The following LARS2 variants were observed in gnomAD, a reference collection of about 807,000 sequenced individuals.
LARS2 encodes the protein leucine--tRNA ligase, mitochondrial.
In LARS2, 81 loss-of-function variants were observed where a neutral mutation model predicts 116.6. The observed-to-expected ratio is 0.69, with a 90% confidence interval of 0.58 to 0.84. LARS2 has a LOEUF of 0.84. Among genes scored for constraint, LARS2 ranks in the 40% least tolerant of loss-of-function variants. The pLI, the probability that LARS2 is intolerant of heterozygous loss-of-function variation, is 0.00. For missense variants in LARS2, 968 were observed against 1,114.5 expected, an observed-to-expected ratio of 0.87 and a Z score of 1.87; for synonymous variants, 396 against 407.2, an observed-to-expected ratio of 0.97 and a Z score of 0.33.
chr3:45,469,553 T>C (rs953903348), intron 8 of LARS2, among the ~76,000 whole-genome samples: 6 of 151,696 alleles, frequency 4.0e-5, no homozygotes, highest in Non-Finnish European at 8.8e-5. Flanking sequence ...ACCATGTTGG[T>C]CAGGCTGGTC....
rs756218687 is a variant in LARS2 at position 45,458,743 on chromosome 3, GC to G, written c.610del (p.Leu204TrpfsTer62). 3 of 1,614,074 alleles carry G rather than the reference GC, an allele frequency of 1.9e-6. No individual in the cohort carries two copies. The highest frequency in any genetic ancestry group is 3.3e-5 in the Admixed American group (2 of 60,020). ...YEAGLAYQKE[A>X]LVNWDPVDQT... ...CCATTTTGTTTCATGAATTATACAGGCCCTGGTTAACTGGGACCCAGTGGAT... is the reference window on the plus strand; with the variant it reads ...CCATTTTGTTTCATGAATTATACAGGCCTGGTTAACTGGGACCCAGTGGAT... On this transcript the variant is annotated frameshift_variant and splice_region_variant, in exon 8 of 22. Coordinates refer to ENST00000645846, the MANE Select transcript of LARS2 (RefSeq NM_015340.4). LOFTEE classifies it high-confidence loss of function.
chr3:45,421,137 G>A (rs984495057), intron 6 of LARS2: 1 of 151,978 alleles, frequency 6.6e-6, no homozygotes, highest in Non-Finnish European at 1.5e-5. Flanking sequence ...TATACATTTA[G>A]ATAGATTCTA....
intron 3 of LARS2, among the ~76,000 whole-genome samples, chr3:45,397,869 G>T (rs1369189094): frequency 6.6e-6 from 1 of 152,182 alleles, no homozygotes; most frequent in Non-Finnish European, 1.5e-5. Flanking sequence ...AGCTGAGAAG[G>T]TTATCTGCCA....
intron 12 of LARS2, among the ~76,000 whole-genome samples, chr3:45,490,128 A>G (rs977513421): frequency 6.6e-6 from 1 of 152,224 alleles, no homozygotes; most frequent in Non-Finnish European, 1.5e-5. Flanking sequence ...GCATCCCCAG[A>G]CATGAGTCAT....
intron 2 of LARS2, among the ~76,000 whole-genome samples, chr3:45,392,283 A>G (rs573870807): frequency 6.6e-6 from 1 of 151,686 alleles, no homozygotes; most frequent in African/African-American, 2.4e-5. Flanking sequence ...CCCAACTAAT[A>G]GAGAGATTTC....
chr3:45,540,736 G>GTATC (rs1172607571), intron 20 of LARS2, among the ~76,000 whole-genome samples: 1 of 141,242 alleles, frequency 7.1e-6, no homozygotes, highest in Admixed American at 7.3e-5. Context: ...AGGCTTGCAT[G>GTATC]TATCTATCTG....
At chr3:45,455,590 C>T (rs1185670633) in intron 7 of LARS2, among the ~76,000 whole-genome samples, 1 of 151,998 alleles carries the variant, frequency 6.6e-6, no homozygotes, top group Non-Finnish European at 1.5e-5. Flanking sequence ...ATGGAGGTTC[C>T]TCAGAAAATG....
In LARS2 at chr3:45,548,800, T is replaced by C. The variant is rs1700909737; in HGVS notation, c.*1270T>C. ...CCCCTGCAGTTCAGCAGTTAACAGA[T>C]GACTTTTTTAGTGTAATAAAATGTT... On this transcript the variant is annotated 3_prime_UTR_variant, in exon 22 of 22. Transcript: ENST00000645846. The C allele has an allele frequency of 6.6e-6, 1 of 152,214 alleles. No individual in the cohort carries two copies. Among genetic ancestry groups the C allele is most frequent in the African/African-American group, 2.4e-5 (1 of 41,454 alleles). 9.4% of individuals were successfully genotyped at this position (152,214 alleles called of 1,614,324 possible).
intron 15 of LARS2, among the ~76,000 whole-genome samples, chr3:45,507,539 A>C (rs966492884): frequency 6.6e-6 from 1 of 152,140 alleles, no homozygotes; most frequent in Admixed American, 6.6e-5. Context: ...GATACAATCT[A>C]AATGCCCCAA....
Position 45,501,353 on chromosome 3 carries a change from G to A in LARS2, c.1760+774G>A, listed in dbSNP as rs192450754. On this transcript the variant is annotated intron_variant, in intron 15 of 21. Coordinates refer to ENST00000645846, the MANE Select transcript of LARS2 (RefSeq NM_015340.4). ...TCTTGCTTTTCTTTATAAATGTATCGTTTCTGCATGTATTTTTAAACTATA... is the reference window on the plus strand; with the variant it reads ...TCTTGCTTTTCTTTATAAATGTATCATTTCTGCATGTATTTTTAAACTATA... 1.9e-4 allele frequency among the ~76,000 whole-genome samples: 28 copies of A among 151,174 alleles called. No individual in the cohort carries two copies. The East Asian group carries it at 4.3e-3, about 23-fold the overall frequency.
chr3:45,457,455 G>A (rs942101525), intron 7 of LARS2, among the ~76,000 whole-genome samples: 5 of 152,180 alleles, frequency 3.3e-5, no homozygotes, highest in African/African-American at 7.2e-5. Context: ...AAGGCGGGTG[G>A]ATCACCTGAG....
chr3:45,547,274 G>T (rs1037163112), intron 21 of LARS2, 77 bp from the exon 22 acceptor site: 64 of 1,313,630 alleles, frequency 4.9e-5, no homozygotes, highest in Non-Finnish European at 6.4e-5. Context: ...CCCTTTACAG[G>T]CAGGAGGTTT....
At chr3:45,391,488 A>C (rs1697947936) in intron 1 of LARS2, 95 bp from the exon 2 acceptor site, 1 of 151,838 alleles carries the variant, frequency 6.6e-6, no homozygotes, top group South Asian at 2.1e-4. Flanking sequence ...TGACTCAAAA[A>C]AAAAAAAAAC....
rs1400960813 is a variant in LARS2 at position 45,430,751 on chromosome 3, A to AT, written c.516+11029dup. Among the ~76,000 whole-genome samples, 18 of 146,564 alleles carry AT rather than the reference A, an allele frequency of 1.2e-4. 1 individual carries two copies. Among genetic ancestry groups the AT allele is most frequent in the African/African-American group, 3.8e-4 (15 of 39,518 alleles). ...AGGCGCCCGCCACCACGCCGGACTA[A>AT]TTTTTTTGTATCTTTAGTAGAGACG... On this transcript the variant is annotated intron_variant, in intron 6 of 21. Transcript: ENST00000645846.
chr3:45,416,989 G>A (rs539089242), intron 4 of LARS2, among the ~76,000 whole-genome samples: 12 of 151,366 alleles, frequency 7.9e-5, no homozygotes, highest in Non-Finnish European at 1.3e-4. Context: ...CAGGAGAATC[G>A]CTTGAACCTG....
chr3:45,511,866 T>C (rs4682789), intron 15 of LARS2, among the ~76,000 whole-genome samples: 131,808 of 148,378 alleles, frequency 0.89, 60,626 homozygotes, highest in East Asian at 1. Flanking sequence ...CAACCTCCGC[T>C]TCCTGGGCTC....
At chr3:45,474,693 A>G (rs1462556284) in intron 9 of LARS2, among the ~76,000 whole-genome samples, 3 of 152,206 alleles carry the variant, frequency 2.0e-5, no homozygotes, top group Non-Finnish European at 2.9e-5. Context: ...GCTATGATTC[A>G]TAGCCACATA....
intron 20 of LARS2, among the ~76,000 whole-genome samples, chr3:45,539,655 C>G (rs1339212652): frequency 6.6e-6 from 1 of 151,892 alleles, no homozygotes; most frequent in Non-Finnish European, 1.5e-5. Context: ...AGAGAAATTA[C>G]CCATACTTCT....
chr3:45,413,748 G>A (rs953006855), intron 4 of LARS2, among the ~76,000 whole-genome samples: 1 of 152,170 alleles, frequency 6.6e-6, no homozygotes, highest in African/African-American at 2.4e-5. Context: ...TGCCTTTAAG[G>A]TAAGTGACTC....
Sources: allele counts gnomAD v4.1 joint callset (sites outside exome capture counted in the v4.1 genomes callset), GRCh38; gene constraint gnomAD v4.1.1; transcripts MANE v1.5; gene names NCBI Gene and HGNC (gene_info 2026-07-23, HGNC 2026-07-21).